COP1: variants seen among roughly 807,000 people sequenced by gnomAD.
The protein encoded by COP1 is COP1 E3 ubiquitin ligase, also known as E3 ubiquitin-protein ligase COP1.
In COP1, 24 loss-of-function variants were observed where a neutral mutation model predicts 101.3. The observed-to-expected ratio is 0.24, with a 90% CI of 0.17 to 0.33. The LOEUF is 0.33. Among genes scored for constraint, COP1 ranks in the 10% least tolerant of loss-of-function variants. The pLI, the probability that COP1 is intolerant of heterozygous loss-of-function variation, is 1.00. For synonymous variants in COP1, 347 were observed against 341.9 expected (o/e 1.01, Z -0.17); for missense variants, 663 against 906.2 (o/e 0.73, Z 3.45).
chr1:176,123,961 A>G (rs546344507), intron 8 of COP1, among the ~76,000 whole-genome samples: 39 of 152,236 alleles, frequency 2.6e-4, no homozygotes, highest in African/African-American at 7.9e-4. Flanking sequence ...CCTCAAACCT[A>G]ATCAATCAGA....
chr1:176,074,650 C>G (rs2149365366), intron 11 of COP1, among the ~76,000 whole-genome samples: 4 of 152,066 alleles, frequency 2.6e-5, no homozygotes, highest in Middle Eastern at 6.9e-3. Context: ...TCAGAATGCA[C>G]AATGTTTTCA....
intron 3 of COP1, among the ~76,000 whole-genome samples, chr1:176,172,339 G>A (rs1313606457): frequency 1.3e-5 from 2 of 152,112 alleles, no homozygotes; most frequent in Non-Finnish European, 2.9e-5. Flanking sequence ...ACTGCACCTG[G>A]CCAAAATTGT....
intron 15 of COP1, among the ~76,000 whole-genome samples, chr1:176,001,976 A>C (rs1661726105): frequency 6.6e-6 from 1 of 152,100 alleles, no homozygotes; most frequent in Non-Finnish European, 1.5e-5. Context: ...ATTAATCTTA[A>C]TGAGGATCCC....
chr1:175,985,997 G>GTTTA (rs1268915503), intron 18 of COP1, among the ~76,000 whole-genome samples: 1 of 152,102 alleles, frequency 6.6e-6, no homozygotes, highest in African/African-American at 2.4e-5. Context: ...AATAACTCAT[G>GTTTA]TTTATATAAA....
intron 14 of COP1, among the ~76,000 whole-genome samples, chr1:176,030,657 ACTGT>A (rs907400958): frequency 1.1e-4 from 17 of 152,330 alleles, no homozygotes; most frequent in African/African-American, 3.1e-4. Context: ...ATTCAATATA[ACTGT>A]CTGAGCTACA....
chr1:176,070,920 T>C (rs998497702), intron 11 of COP1, among the ~76,000 whole-genome samples: 1 of 152,154 alleles, frequency 6.6e-6, no homozygotes, highest in Non-Finnish European at 1.5e-5. Flanking sequence ...CTCAAAGCAA[T>C]GGTATTATGG....
chr1:175,992,182 C>T (rs1193798950), intron 15 of COP1, among the ~76,000 whole-genome samples: 8 of 152,240 alleles, frequency 5.3e-5, no homozygotes, highest in East Asian at 1.9e-4. Context: ...TGGAGAATGG[C>T]GCACCTACCT....
At chr1:176,023,466 C>T (rs573289443) in intron 15 of COP1, among the ~76,000 whole-genome samples, 2 of 152,194 alleles carry the variant, frequency 1.3e-5, no homozygotes, top group Admixed American at 1.3e-4. Flanking sequence ...CGCCTGTAAT[C>T]CCAGCACTTT....
chr1:175,981,454 G>A (rs1391923588), intron 18 of COP1, among the ~76,000 whole-genome samples: 3 of 152,018 alleles, frequency 2.0e-5, no homozygotes, highest in African/African-American at 7.2e-5. Flanking sequence ...AAATGGTGTT[G>A]GGAAAACTGG....
intron 1 of COP1, among the ~76,000 whole-genome samples, chr1:176,188,017 A>G (rs574865740): frequency 6.6e-6 from 1 of 152,136 alleles, no homozygotes; most frequent in South Asian, 2.1e-4. Flanking sequence ...TCTTCCCTCC[A>G]TGAGATCAGG....
rs74457605 is a variant in COP1 at position 176,036,819 on chromosome 1, C to A, written c.1612+6367G>T. On this transcript the variant is annotated intron_variant, in intron 14 of 19. Coordinates refer to ENST00000367669, the MANE Select transcript of COP1 (RefSeq NM_022457.7). ...ATTTAAGGTAGGTTAGGCTAAGCTA[C>A]GATTAGAAGTATTAAATGCATTTTC... Among the ~76,000 whole-genome samples, 30 of 152,124 alleles carry A rather than the reference C, an allele frequency of 2.0e-4. 1 individual carries two copies. Among genetic ancestry groups the A allele is most frequent in the African/African-American group, 7.2e-4 (30 of 41,510 alleles).
chr1:175,999,550 C>A (rs759574997), intron 15 of COP1, among the ~76,000 whole-genome samples: 4 of 151,888 alleles, frequency 2.6e-5, no homozygotes, highest in African/African-American at 9.7e-5. Flanking sequence ...TTGGCTACTG[C>A]GAACAGTGCC....
At chr1:176,140,716 G>A (rs1434178027) in intron 6 of COP1, among the ~76,000 whole-genome samples, 1 of 152,108 alleles carries the variant, frequency 6.6e-6, no homozygotes, top group Non-Finnish European at 1.5e-5. Context: ...TCAAGAAGCT[G>A]AACTGCTATT....
chr1:176,101,226 G>A (rs1683352348), intron 9 of COP1, among the ~76,000 whole-genome samples: 1 of 148,994 alleles, frequency 6.7e-6, no homozygotes, highest in Non-Finnish European at 1.5e-5. Context: ...TGGGACTCGG[G>A]ATCCAAGGAC....
chr1:176,169,429 T>C (rs781247298), intron 3 of COP1, among the ~76,000 whole-genome samples: 2 of 152,172 alleles, frequency 1.3e-5, no homozygotes, highest in African/African-American at 4.8e-5. Flanking sequence ...AAAAAAACTT[T>C]TAAGTGTGTA....
intron 19 of COP1, among the ~76,000 whole-genome samples, chr1:175,946,736 AC>A (rs377594893): frequency 1.3e-5 from 2 of 152,162 alleles, no homozygotes; most frequent in African/African-American, 4.8e-5. Flanking sequence ...GGAAAAACCT[AC>A]TTCTTAGGGG....
intron 9 of COP1, 148 bp from the exon 10 acceptor site, chr1:176,086,038 C>T: frequency 2.2e-6 from 1 of 462,034 alleles, no homozygotes; most frequent in Non-Finnish European, 4.0e-6. Context: ...GAGATATTTT[C>T]CAATTTATCT....
At chr1:175,997,589 GGAAT>G (rs1369815903) in intron 15 of COP1, among the ~76,000 whole-genome samples, 13 of 152,108 alleles carry the variant, frequency 8.5e-5, no homozygotes, top group Non-Finnish European at 1.5e-4. Context: ...GTGGGCGAAG[GGAAT>G]GAACAGACAC....
intron 11 of COP1, among the ~76,000 whole-genome samples, chr1:176,063,360 C>T (rs560385393): frequency 2.0e-5 from 3 of 152,058 alleles, no homozygotes; most frequent in Admixed American, 2.0e-4. Flanking sequence ...GCGCCTGGCC[C>T]GAAAATGTTT....
Sources: allele counts gnomAD v4.1 joint callset (sites outside exome capture counted in the v4.1 genomes callset), GRCh38; gene constraint gnomAD v4.1.1; transcripts MANE v1.5; gene names NCBI Gene and HGNC (gene_info 2026-07-23, HGNC 2026-07-21).